Variants in STRIP2 observed in about 807,000 individuals in gnomAD.
The protein encoded by STRIP2 is striatin interacting protein 2.
Under a neutral mutation model 107.1 loss-of-function variants are expected in STRIP2, and 84 were observed. The ratio of observed to expected loss-of-function variants is 0.78; its 90% confidence interval spans 0.66 to 0.94. The LOEUF (loss-of-function observed/expected upper bound fraction) is 0.94, where lower values mean the gene tolerates loss of function less well. Among genes scored for constraint, STRIP2 ranks in the 40% least tolerant of loss-of-function variants. The pLI is 0.00. For missense variants in STRIP2, 888 were observed against 1,034.2 expected (o/e 0.86, Z 1.94); for synonymous variants, 394 against 400.4 (o/e 0.98, Z 0.19).
intron 20 of STRIP2, chr7:129,484,483 A>G (rs992043683): frequency 2.0e-5 from 3 of 152,238 alleles, no homozygotes; most frequent in African/African-American, 7.2e-5. Flanking sequence ...ATGATGCAGT[A>G]AAGAGTTCAG....
At position 129,482,798 on chromosome 7, in the gene STRIP2, C is replaced by T. The variant is rs1169067439; in HGVS notation, c.2050-44C>T. 3.1e-6 allele frequency: 5 copies of T among 1,602,122 alleles called. No homozygotes were observed. The East Asian group carries it at 1.1e-4, about 36-fold the overall frequency. Reference sequence around the variant, plus strand: ...TAATTTGTCTGTAAACTGGAAATTCCAAGAAACGTTAGATCTTTACCCCAC... The same window carrying T: ...TAATTTGTCTGTAAACTGGAAATTCTAAGAAACGTTAGATCTTTACCCCAC... On this transcript the variant is annotated intron_variant, in intron 19 of 20. Transcript: ENST00000249344.
At chr7:129,445,086 C>T (rs1200360615) in intron 3 of STRIP2, among the ~76,000 whole-genome samples, 2 of 152,112 alleles carry the variant, frequency 1.3e-5, no homozygotes, top group African/African-American at 4.8e-5. Flanking sequence ...GTGGAGTAAT[C>T]CAAACCTTCA....
chr7:129,438,234 T>A (rs985805862), intron 1 of STRIP2, among the ~76,000 whole-genome samples: 7 of 152,180 alleles, frequency 4.6e-5, no homozygotes, highest in African/African-American at 1.7e-4. Flanking sequence ...TTAGGAAATA[T>A]CCTAAATATA....
chr7:129,442,834 T>C (rs1187230687), intron 2 of STRIP2, among the ~76,000 whole-genome samples: 1 of 152,158 alleles, frequency 6.6e-6, no homozygotes, highest in Non-Finnish European at 1.5e-5. Context: ...TGAATTTCTC[T>C]TGCTTTGTGA....
intron 9 of STRIP2, 114 bp downstream of exon 9, chr7:129,456,756 A>C (rs111997328): frequency 9.5e-7 from 1 of 1,047,196 alleles, no homozygotes; most frequent in Non-Finnish European, 1.4e-6. Context: ...CATCCTGCCC[A>C]GGTTGGCCCT....
intron 3 of STRIP2, among the ~76,000 whole-genome samples, chr7:129,450,049 T>A (rs544892067): frequency 6.6e-6 from 1 of 152,332 alleles, no homozygotes; most frequent in Admixed American, 6.5e-5. Context: ...AATGCATTTA[T>A]TTTGCATAAC....
At position 129,483,527 on chromosome 7, in the gene STRIP2, G is replaced by A; in HGVS notation, c.2254+481G>A. The A allele has an allele frequency of 5.7e-6, 1 of 174,036 alleles. No individual in the cohort carries two copies. Among genetic ancestry groups the A allele is most frequent in the Non-Finnish European group, 1.1e-5 (1 of 87,730 alleles). 10.8% of individuals were successfully genotyped at this position (174,036 alleles called of 1,614,324 possible). ...ATATACATGCATATTTTATCAAAAT[G>A]AAAGCAAGTTATGTATGCTATTTTG... On this transcript the variant is annotated intron_variant, in intron 20 of 20. Coordinates refer to ENST00000249344, the MANE Select transcript of STRIP2 (RefSeq NM_020704.3). The surrounding 1 kb of genome is among the most constrained non-coding windows in gnomAD (Gnocchi z 5.1).
At chr7:129,449,888 A>C (rs1162257707) in intron 3 of STRIP2, among the ~76,000 whole-genome samples, 1 of 152,200 alleles carries the variant, frequency 6.6e-6, no homozygotes, top group Non-Finnish European at 1.5e-5. Flanking sequence ...AGAATCCCTG[A>C]GTTCATCATT....
At chr7:129,471,655 T>C (rs1447900384) in intron 18 of STRIP2, among the ~76,000 whole-genome samples, 2 of 152,218 alleles carry the variant, frequency 1.3e-5, no homozygotes, top group Non-Finnish European at 2.9e-5. Context: ...ATGGGATTCT[T>C]GGCTGGAGGG....
At position 129,458,281 on chromosome 7, in the gene STRIP2, C is replaced by G; in HGVS notation, c.1105C>G (p.Pro369Ala). ...AAGGGATCTCTTCAAGACTGAGGAG[C>G]CCGCCACAGAGGAGGAAGAGGAGTC... ...NERDLFKTEE[P>A]ATEEEEESAG... Residue 369 changes from proline to alanine, a missense_variant, in exon 10 of 21, where the codon CCC becomes GCC. Physicochemically the swap from Pro to Ala is conservative, Grantham distance 27. Coordinates refer to ENST00000249344, the MANE Select transcript of STRIP2 (RefSeq NM_020704.3). The surrounding 1 kb of genome is among the most constrained non-coding windows in gnomAD (Gnocchi z 4.6). 1 of 1,614,182 alleles carries G rather than the reference C, an allele frequency of 6.2e-7. No individual in the cohort carries two copies. The highest frequency in any genetic ancestry group is 8.5e-7 in the Non-Finnish European group (1 of 1,180,024).
chr7:129,466,368 A>G (rs1798671271), intron 16 of STRIP2, among the ~76,000 whole-genome samples: 1 of 152,222 alleles, frequency 6.6e-6, no homozygotes, highest in South Asian at 2.1e-4. Context: ...TGAACAGAAG[A>G]GAGAAGTAGT....
chr7:129,476,333 TCTCAGACGGGGCGGCTGCCGGGC>T (rs1562916445), intron 18 of STRIP2, among the ~76,000 whole-genome samples: 4 of 145,708 alleles, frequency 2.7e-5, no homozygotes, highest in Non-Finnish European at 4.5e-5. Flanking sequence ...GCTCCTCACT[TCTCAGACGGGGCGGCTGCCGGGC>T]GGAGGGGCTC....
chr7:129,446,365 C>T (rs1798034304), intron 3 of STRIP2, among the ~76,000 whole-genome samples: 1 of 152,190 alleles, frequency 6.6e-6, no homozygotes, highest in Admixed American at 6.5e-5. Flanking sequence ...TTTTTTGTCA[C>T]CAATTTTCCA....
chr7:129,482,755 G>T, intron 19 of STRIP2, 87 bp from the exon 20 acceptor site: 1 of 1,493,236 alleles, frequency 6.7e-7, no homozygotes, highest in Non-Finnish European at 9.2e-7. Context: ...GAATTTCTGA[G>T]GCTAGCTAGG....
rs1432238011 is a variant in STRIP2, at chr7:129,442,727, C to T, written c.200-1297C>T. On this transcript the variant is annotated intron_variant, in intron 2 of 20. Coordinates refer to ENST00000249344, the MANE Select transcript of STRIP2 (RefSeq NM_020704.3). ...ATTTAAGATTCAGTGATGGGATTTG[C>T]TTCTGGTCACTCCTAGATTCTGGAA... Among the ~76,000 whole-genome samples, 5 of 152,278 alleles carry T rather than the reference C, an allele frequency of 3.3e-5. No homozygotes were observed. The East Asian group carries it at 9.6e-4, about 29-fold the overall frequency.
chr7:129,471,370 T>C (rs193291339), intron 18 of STRIP2, among the ~76,000 whole-genome samples: 87 of 152,332 alleles, frequency 5.7e-4, no homozygotes, highest in African/African-American at 2.0e-3. Context: ...CTCCAGCCTG[T>C]TGCATTGTAA....
chr7:129,434,633 C>A, intron 1 of STRIP2, 32 bp downstream of exon 1: 1 of 1,441,836 alleles, frequency 6.9e-7, no homozygotes, highest in South Asian at 1.3e-5. Context: ...GGCTGGGGCC[C>A]GGAGACGCCC....
intron 3 of STRIP2, among the ~76,000 whole-genome samples, chr7:129,447,863 T>G (rs1186578479): frequency 6.6e-6 from 1 of 152,258 alleles, no homozygotes; most frequent in Non-Finnish European, 1.5e-5. Flanking sequence ...AAGATTCATC[T>G]GTCTTCTGCA....
chr7:129,473,147 A>G (rs1001281639), intron 18 of STRIP2, among the ~76,000 whole-genome samples: 3 of 152,040 alleles, frequency 2.0e-5, no homozygotes, highest in African/African-American at 7.2e-5. Context: ...AAATATACGT[A>G]TTGCAGAAAA....
Sources: gnomAD v4.1 joint callset for allele counts (sites outside exome capture counted in the v4.1 genomes callset) on GRCh38, gnomAD v4.1.1 for gene constraint, Gnocchi (gnomAD v3.1) non-coding constraint, MANE v1.5 for transcripts, NCBI Gene and HGNC (gene_info 2026-07-23, HGNC 2026-07-21) for gene names.